TRRAP: variants seen among roughly 807,000 people sequenced by gnomAD.
The protein encoded by TRRAP is transformation/transcription domain associated protein, also known as transformation/transcription domain-associated protein.
TRRAP carries 41 observed loss-of-function variants against 438.8 expected under a neutral mutation model. That is an observed-to-expected ratio of 0.09 (90% CI 0.07 to 0.12). TRRAP has a LOEUF of 0.12. TRRAP is among the 10% of genes least tolerant of loss of function. The pLI is 1.00. For missense variants in TRRAP, 3,122 were observed against 5,055.1 expected (o/e 0.62, Z 11.60); for synonymous variants, 1,994 against 1,962.9 (o/e 1.02, Z -0.42).
intron 3 of TRRAP, among the ~76,000 whole-genome samples, chr7:98,882,413 G>T (rs1307167699): frequency 6.7e-6 from 1 of 150,276 alleles, no homozygotes; most frequent in Non-Finnish European, 1.5e-5. Flanking sequence ...CCCAGGCTGG[G>T]GTGCAGTGGC....
chr7:98,897,844 G>T lies in TRRAP; in HGVS notation c.611G>T (p.Arg204Leu). 6.2e-7 allele frequency: 1 copy of T among 1,614,052 alleles called. No homozygotes were observed. Among genetic ancestry groups the T allele is most frequent in the Non-Finnish European group, 8.5e-7 (1 of 1,180,018 alleles). ...ATTGCTGTGAAAGTCAACCCGGAGC[G>T]TGAGGACAGTGAGACTCGAACAGTA... ...TTIAVKVNPE[R>L]EDSETRTHSI... Residue 204 changes from arginine to leucine, a missense_variant, in exon 8 of 73, where the codon CGT (arginine) becomes CTT (leucine). Transcript: ENST00000456197.
intron 3 of TRRAP, among the ~76,000 whole-genome samples, chr7:98,888,036 T>A (rs1241052118): frequency 6.6e-6 from 1 of 151,818 alleles, no homozygotes; most frequent in Non-Finnish European, 1.5e-5. Context: ...CGAGACCATC[T>A]TGGCTAACAC....
intron 21 of TRRAP, 109 bp downstream of exon 21, chr7:98,922,062 C>A: frequency 2.1e-6 from 3 of 1,436,218 alleles, no homozygotes; most frequent in Non-Finnish European, 2.9e-6. Flanking sequence ...CTGAGTAGAA[C>A]CAGTTGTATC....
chr7:98,968,292 T>G (rs1309381241), intron 51 of TRRAP, among the ~76,000 whole-genome samples: 1 of 152,210 alleles, frequency 6.6e-6, no homozygotes, highest in Admixed American at 6.5e-5. Flanking sequence ...ATGCTGTGAT[T>G]ACAGGCATGA....
chr7:98,995,282 T>C (rs1266400111), intron 67 of TRRAP, among the ~76,000 whole-genome samples: 2 of 141,448 alleles, frequency 1.4e-5, no homozygotes, highest in Admixed American at 1.4e-4. Flanking sequence ...GGTGGGATGG[T>C]GGGAGATGGT....
At position 98,937,668 on chromosome 7, in the gene TRRAP, A is replaced by G. The variant is rs1790617951; in HGVS notation, c.4252A>G (p.Ile1418Val). The G allele has an allele frequency of 6.2e-7, 1 of 1,610,278 alleles. No individual in the cohort carries two copies. The highest frequency in any genetic ancestry group is 8.5e-7 in the Non-Finnish European group (1 of 1,178,762). ...TTAATAGTTTTTAGAAGGTGCTACC[A>G]TAGAAGTCGATCAAATCCACACACA... The part of the protein sequence containing the change: ...CMRKFLEGAT[I>V]EVDQIHTHMR... The change falls in exon 30 of 73, where the codon ATA (isoleucine) becomes GTA (valine). Residue 1418 changes from isoleucine to valine, a missense_variant. This residue lies in a region of TRRAP where 108 missense variants were observed against 256.9 expected (regional missense o/e 0.42). Coordinates refer to ENST00000456197, the MANE Select transcript of TRRAP (RefSeq NM_001375524.1).
intron 45 of TRRAP, 87 bp downstream of exon 45, chr7:98,959,577 G>A: frequency 6.5e-7 from 1 of 1,542,786 alleles, no homozygotes; most frequent in African/African-American, 1.4e-5. Flanking sequence ...GACATTTGTG[G>A]ATCACTCTGA....
Position 98,921,827 on chromosome 7 carries a change from C to T in TRRAP, c.2697C>T (p.Gly899=). ...CCTACCGTGTGCTCGGTAAGTTTGG[C>T]GGCAGTAACAGGAAGATGCTGAAGG... is the stretch of plus-strand genomic sequence containing the variant. ...HVAYRVLGKF[G]GSNRKMLKES... is the part of the protein sequence containing the mutation. The change falls in exon 21 of 73, where the codon GGC becomes GGT. Residue 899 remains glycine, a synonymous_variant. Coordinates refer to ENST00000456197, the MANE Select transcript of TRRAP (RefSeq NM_001375524.1). 2.5e-6 allele frequency: 4 copies of T among 1,614,166 alleles called. No individual in the cohort carries two copies. The highest frequency in any genetic ancestry group is 2.2e-5 in the East Asian group (1 of 44,886).
In TRRAP at chr7:98,956,496, T is replaced by C. The variant is rs1459797544; in HGVS notation, c.6194T>C (p.Val2065Ala). 5 of 1,614,172 alleles carry C rather than the reference T, an allele frequency of 3.1e-6. 1 individual carries two copies. Among genetic ancestry groups the C allele is most frequent in the Admixed American group, 3.3e-5 (2 of 60,016 alleles). ...RGLSVDSAQE[V>A]KRFRTATGAI... ...CTGTCCGTGGATTCTGCCCAGGAAG[T>C]GAAACGCTTTAGGACGGCCACCGGA... The change falls in exon 43 of 73, where the codon GTG becomes GCG. Residue 2065 changes from valine to alanine, a missense_variant. Val to Ala is a moderately conservative substitution (Grantham distance 64, BLOSUM62 0). This residue lies in a region of TRRAP where 992 missense variants were observed against 1,281.2 expected (regional missense o/e 0.77). Coordinates refer to ENST00000456197, the MANE Select transcript of TRRAP (RefSeq NM_001375524.1). This position sits in a 1 kb window ranked among gnomAD's most constrained non-coding sequence, Gnocchi z 4.5.
intron 47 of TRRAP, 122 bp downstream of exon 47, chr7:98,962,549 T>C: frequency 6.5e-7 from 1 of 1,549,856 alleles, no homozygotes; most frequent in Non-Finnish European, 8.8e-7. Flanking sequence ...GCCGCTGCGT[T>C]GTTCAGGTGT....
At chr7:99,010,697 G>T (rs75759049) in intron 70 of TRRAP, among the ~76,000 whole-genome samples, 1 of 152,160 alleles carries the variant, frequency 6.6e-6, no homozygotes, top group South Asian at 2.1e-4. Context: ...TGCTGCTGTT[G>T]TCCAGCTGTT....
At chr7:99,003,288 C>T (rs1794016493) in intron 67 of TRRAP, among the ~76,000 whole-genome samples, 1 of 152,228 alleles carries the variant, frequency 6.6e-6, no homozygotes, top group Admixed American at 6.5e-5. Context: ...TTTTGAATTG[C>T]TTCAGTGAAA....
chr7:98,920,495 T>C (rs1277743297), intron 20 of TRRAP, among the ~76,000 whole-genome samples: 1 of 149,578 alleles, frequency 6.7e-6, no homozygotes, highest in Non-Finnish European at 1.5e-5. Flanking sequence ...GAAAAGAAAA[T>C]AGACTTACAT....
intron 69 of TRRAP, among the ~76,000 whole-genome samples, chr7:99,006,905 T>C (rs1794188949): frequency 1.3e-5 from 2 of 152,330 alleles, no homozygotes; most frequent in Admixed American, 6.5e-5. Flanking sequence ...ACAAGTCTGG[T>C]GCTGCTCCCC....
In TRRAP at chr7:99,011,934, C is replaced by T; in HGVS notation, c.11338-137C>T. 3 of 1,161,494 alleles carry T rather than the reference C, an allele frequency of 2.6e-6. No individual in the cohort carries two copies. Among genetic ancestry groups the T allele is most frequent in the African/African-American group, 1.5e-5 (1 of 65,110 alleles). The allele number at this position is 1,161,494 out of a possible 1,614,324, so 71.9% of individuals were successfully genotyped here. A position where few individuals can be genotyped will look rare whatever the true frequency, so the allele number is the denominator to read the frequency against. On this transcript the variant is annotated intron_variant, in intron 72 of 72. Transcript: ENST00000456197. The surrounding 1 kb of genome is among the most constrained non-coding windows in gnomAD (Gnocchi z 7.1). ...CCAGCCCGTCCTGAGGGCACACAGC[C>T]TGGCCTGGTGCTGAAACTCGACTGG...
At chr7:98,940,273 C>T (rs1478131982) in intron 30 of TRRAP, among the ~76,000 whole-genome samples, 1 of 152,088 alleles carries the variant, frequency 6.6e-6, no homozygotes, top group Non-Finnish European at 1.5e-5. Flanking sequence ...ACTGGAACCT[C>T]TGCCACCTGG....
chr7:98,953,973 T>C (rs1204469000), intron 40 of TRRAP, among the ~76,000 whole-genome samples: 5 of 152,246 alleles, frequency 3.3e-5, no homozygotes, highest in Admixed American at 3.3e-4. Context: ...ATCTCAAGCT[T>C]CTCTGTCCAT....
intron 43 of TRRAP, 66 bp from the exon 44 acceptor site, chr7:98,957,908 GGTGAAAA>G: frequency 7.4e-7 from 1 of 1,342,984 alleles, no homozygotes; most frequent in Non-Finnish European, 1.0e-6. Flanking sequence ...CCATTAGCTG[GGTGAAAA>G]GTCAAGCCTG....
rs752532054 is a variant in TRRAP, at chr7:98,976,274, TG to T, written c.7959+7del. On this transcript the variant is annotated splice_region_variant and intron_variant, in intron 54 of 72. Coordinates refer to ENST00000456197, the MANE Select transcript of TRRAP (RefSeq NM_001375524.1). The surrounding 1 kb of genome is among the most constrained non-coding windows in gnomAD (Gnocchi z 4.6). ...TCTCTGACAGACAGCAGCATGTGAGTGTATCTTTAAAATCCTGTTTTGGAAA... is the reference window on the plus strand; with the variant it reads ...TCTCTGACAGACAGCAGCATGTGAGTTATCTTTAAAATCCTGTTTTGGAAA... The T allele has an allele frequency of 6.2e-7, 1 of 1,613,574 alleles. No homozygotes were observed. The highest frequency in any genetic ancestry group is 1.1e-5 in the South Asian group (1 of 90,992).
Sources: allele counts gnomAD v4.1 joint callset (sites outside exome capture counted in the v4.1 genomes callset), GRCh38; gene constraint gnomAD v4.1.1; regional missense constraint gnomAD v4.1.1; non-coding constraint Gnocchi (gnomAD v3.1); transcripts MANE v1.5; gene names NCBI Gene and HGNC (gene_info 2026-07-23, HGNC 2026-07-21).